NLGN1: variants seen among roughly 807,000 people sequenced by gnomAD.
The protein encoded by NLGN1 is neuroligin-1.
In NLGN1, 12 loss-of-function variants were observed where a neutral mutation model predicts 65.5. That is an observed-to-expected ratio of 0.18 (90% CI 0.12 to 0.30). The LOEUF is 0.30. Ranked by LOEUF, NLGN1 falls within the 10% of genes least tolerant of loss-of-function variation. NLGN1 has a pLI of 1.00. For synonymous variants in NLGN1, 350 were observed against 359.5 expected (o/e 0.97, Z 0.30); for missense variants, 750 against 1,007.1 (o/e 0.74, Z 3.46).
At position 173,849,382 on chromosome 3, in the gene NLGN1, C is replaced by G. The variant is rs192655678; in HGVS notation, c.646+41550C>G. Among the ~76,000 whole-genome samples, 7 of 152,168 alleles carry G rather than the reference C, an allele frequency of 4.6e-5. No individual in the cohort carries two copies. The East Asian group carries it at 9.7e-4, about 21-fold the overall frequency. ...ATCCCATATTGACTCTTTGAGAAAC[C>G]AGGCTTCCATGTGTGTCTGTCAGTC... is the stretch of plus-strand genomic sequence containing the variant. On this transcript the variant is annotated intron_variant, in intron 4 of 6. Coordinates refer to ENST00000457714, the Ensembl canonical transcript of NLGN1.
At chr3:173,871,751 T>C (rs1731204794) in intron 4 of NLGN1, among the ~76,000 whole-genome samples, 1 of 152,106 alleles carries the variant, frequency 6.6e-6, no homozygotes, top group Admixed American at 6.5e-5. Context: ...GTTTCGGTTC[T>C]TTTTCCTCCA....
intron 4 of NLGN1, among the ~76,000 whole-genome samples, chr3:174,251,115 G>C (rs988375467): frequency 6.6e-6 from 1 of 152,016 alleles, no homozygotes; most frequent in African/African-American, 2.4e-5. Flanking sequence ...AGGAAACTAT[G>C]TACAAAAATA....
chr3:173,982,778 T>G (rs1487243536), intron 4 of NLGN1, among the ~76,000 whole-genome samples: 1 of 152,174 alleles, frequency 6.6e-6, no homozygotes, highest in Non-Finnish European at 1.5e-5. Flanking sequence ...AACATTTAAG[T>G]GCCTTTTGAT....
intron 3 of NLGN1, among the ~76,000 whole-genome samples, chr3:173,753,794 C>G (rs1776653548): frequency 6.6e-6 from 1 of 151,856 alleles, no homozygotes; most frequent in Non-Finnish European, 1.5e-5. Context: ...TTTGAGTCAT[C>G]TATGTTCTAT....
intron 3 of NLGN1, among the ~76,000 whole-genome samples, chr3:173,669,559 C>A (rs1188467017): frequency 6.6e-6 from 1 of 152,130 alleles, no homozygotes; most frequent in Non-Finnish European, 1.5e-5. Context: ...GATTAGGGAC[C>A]ACCCTATTTC....
At chr3:173,924,057 A>T (rs1303519738) in intron 4 of NLGN1, among the ~76,000 whole-genome samples, 7 of 152,184 alleles carry the variant, frequency 4.6e-5, no homozygotes, top group Non-Finnish European at 7.4e-5. Context: ...AAATTCAGCC[A>T]TGACTACAAA....
chr3:173,406,849 G>A (rs1718797874), intron 1 of NLGN1, among the ~76,000 whole-genome samples: 1 of 152,034 alleles, frequency 6.6e-6, no homozygotes, highest in Admixed American at 6.6e-5. Context: ...AGAAAACACT[G>A]TGTTGCTTCT....
chr3:174,290,853 G>T (rs1248179809), downstream of NLGN1, among the ~76,000 whole-genome samples: 2 of 150,628 alleles, frequency 1.3e-5, no homozygotes, highest in African/African-American at 2.4e-5. Flanking sequence ...AGAACAAAAA[G>T]AATAGAAAAA....
At chr3:173,668,824 A>G (rs545279947) in intron 3 of NLGN1, among the ~76,000 whole-genome samples, 2 of 151,940 alleles carry the variant, frequency 1.3e-5, no homozygotes, top group East Asian at 3.9e-4. Flanking sequence ...GGGTTTCACC[A>G]TGTTGGTCAG....
At chr3:173,883,160 G>A (rs1024294785) in intron 4 of NLGN1, among the ~76,000 whole-genome samples, 1 of 150,394 alleles carries the variant, frequency 6.6e-6, no homozygotes, top group African/African-American at 2.5e-5. Context: ...TCATTTCTAG[G>A]TTTTGATTAA....
chr3:173,695,731 G>A (rs1025595121), intron 3 of NLGN1, among the ~76,000 whole-genome samples: 2 of 152,002 alleles, frequency 1.3e-5, no homozygotes, highest in African/African-American at 2.4e-5. Flanking sequence ...ACCTTATTAC[G>A]ATCACTTCTT....
In NLGN1 at chr3:174,143,011, C is replaced by T. The variant is rs115871392; in HGVS notation, c.647-132304C>T. ...GCAAGAGAAGGAGCAAGACAGAGAACGAGGAGGTCTCAGACTGTTTGAAAC... is the reference window on the plus strand; with the variant it reads ...GCAAGAGAAGGAGCAAGACAGAGAATGAGGAGGTCTCAGACTGTTTGAAAC... On this transcript the variant is annotated intron_variant, in intron 4 of 6. Coordinates refer to ENST00000457714, the Ensembl canonical transcript of NLGN1. 4.0e-3 allele frequency among the ~76,000 whole-genome samples: 611 copies of T among 152,120 alleles called. 3 individuals carry two copies. Among genetic ancestry groups the T allele is most frequent in the African/African-American group, 0.014 (578 of 41,488 alleles).
intron 4 of NLGN1, among the ~76,000 whole-genome samples, chr3:173,985,688 G>A (rs1415723248): frequency 1.3e-5 from 2 of 152,146 alleles, no homozygotes; most frequent in Non-Finnish European, 2.9e-5. Flanking sequence ...ACTGATTAAC[G>A]CCTGTAATCC....
In NLGN1 at chr3:173,961,625, TG is replaced by T. The variant is rs140596044; in HGVS notation, c.646+153794del. ...TAAGTATAAAGTGGGTATAACTCTG[TG>T]TAATCTTAAAGAAAAACCATATGAG... On this transcript the variant is annotated intron_variant, in intron 4 of 6. Transcript: ENST00000457714. Among the ~76,000 whole-genome samples, 386 of 152,178 alleles carry T rather than the reference TG, an allele frequency of 2.5e-3. 1 individual carries two copies. The highest frequency in any genetic ancestry group is 8.7e-3 in the African/African-American group (362 of 41,550).
chr3:173,484,551 T>A (rs1268767582), intron 2 of NLGN1, among the ~76,000 whole-genome samples: 2 of 151,576 alleles, frequency 1.3e-5, no homozygotes, highest in African/African-American at 4.9e-5. Context: ...TCTCTTAGAA[T>A]CTTAATAAGC....
intron 4 of NLGN1, among the ~76,000 whole-genome samples, chr3:174,037,871 G>A (rs1731479025): frequency 6.7e-6 from 1 of 149,964 alleles, no homozygotes; most frequent in Non-Finnish European, 1.5e-5. Context: ...ACAATTGACG[G>A]TGTGGTGAAA....
At chr3:173,508,335 T>C (rs116281005) in intron 2 of NLGN1, among the ~76,000 whole-genome samples, 3,631 of 152,294 alleles carry the variant, frequency 0.024, 56 homozygotes, top group Middle Eastern at 0.048. Flanking sequence ...CATGTAATTA[T>C]TTTTTCTGAC....
chr3:173,761,541 A>G (rs1205494489), intron 3 of NLGN1, among the ~76,000 whole-genome samples: 2 of 152,078 alleles, frequency 1.3e-5, no homozygotes, highest in Admixed American at 1.3e-4. Context: ...ATAGAGCATC[A>G]CTACCTTTTA....
At chr3:173,543,617 A>T (rs1324562418) in intron 2 of NLGN1, among the ~76,000 whole-genome samples, 2 of 152,138 alleles carry the variant, frequency 1.3e-5, no homozygotes, top group Non-Finnish European at 2.9e-5. Flanking sequence ...ATAAAGCCAG[A>T]TATTATAAGT....
Sources: allele counts gnomAD v4.1 joint callset (sites outside exome capture counted in the v4.1 genomes callset), GRCh38; gene constraint gnomAD v4.1.1; transcripts MANE v1.5; gene names NCBI Gene and HGNC (gene_info 2026-07-23, HGNC 2026-07-21).